The following ELK3 variants were observed in gnomAD, a reference collection of about 807,000 sequenced individuals.
ELK3 encodes ETS transcription factor ELK3.
A neutral mutation model predicts 28.9 loss-of-function variants in ELK3; 10 were observed. The observed-to-expected ratio is 0.35, with a 90% CI of 0.21 to 0.59. The LOEUF is 0.59. ELK3 is among the 20% of genes least tolerant of loss of function. The probability of loss-of-function intolerance (pLI) is 0.82; values close to 1 mark genes in which losing one functional copy is unlikely to be tolerated. For missense variants in ELK3, 463 were observed against 517.3 expected (o/e 0.90, Z 1.02); for synonymous variants, 272 against 243.5 (o/e 1.12, Z -1.09).
intron 3 of ELK3, 29 bp from the exon 4 acceptor site, chr12:96,259,702 T>G: frequency 6.3e-7 from 1 of 1,599,218 alleles, no homozygotes; most frequent in East Asian, 2.2e-5. Context: ...TGAACCTATA[T>G]GAAGAAGTCT....
intron 2 of ELK3, among the ~76,000 whole-genome samples, chr12:96,233,824 G>A (rs77485788): frequency 0.035 from 5,372 of 152,318 alleles, 159 homozygotes; most frequent in Middle Eastern, 0.099. Flanking sequence ...GACTCCCTTT[G>A]GGGTGTTTTA....
rs1304886152 is a variant in ELK3 at position 96,267,910 on chromosome 12, T to TATC, written c.*731_*733dup. 3 of 152,504 alleles carry TATC rather than the reference T, an allele frequency of 2.0e-5. No homozygotes were observed. The highest frequency in any genetic ancestry group is 7.2e-5 in the African/African-American group (3 of 41,460). 9.4% of individuals were successfully genotyped at this position (152,504 alleles called of 1,614,324 possible). A position where few individuals can be genotyped will look rare whatever the true frequency, so the allele number is the denominator to read the frequency against. ...GCCTCCTTAGCTGTTTACAGTATCT[T>TATC]ATCTTTTAGATGCCTCCCAGACAAA... On this transcript the variant is annotated 3_prime_UTR_variant, in exon 5 of 5. Transcript: ENST00000228741.
chr12:96,263,174 A>T (rs1245172533), intron 4 of ELK3, among the ~76,000 whole-genome samples: 1 of 152,144 alleles, frequency 6.6e-6, no homozygotes, highest in Non-Finnish European at 1.5e-5. Context: ...CCCTAATATG[A>T]TTACTATAGC....
chr12:96,202,031 A>G (rs1261697209), intron 1 of ELK3, among the ~76,000 whole-genome samples: 1 of 152,098 alleles, frequency 6.6e-6, no homozygotes, highest in African/African-American at 2.4e-5. Flanking sequence ...TCACCTGGTG[A>G]AATTCCTCCT....
At chr12:96,230,740 G>A (rs775982007) in intron 2 of ELK3, among the ~76,000 whole-genome samples, 1 of 152,208 alleles carries the variant, frequency 6.6e-6, no homozygotes, top group Non-Finnish European at 1.5e-5. Flanking sequence ...CGGATTGGCA[G>A]TGCTGGGATC....
chr12:96,227,328 C>T (rs1161765151), intron 2 of ELK3, among the ~76,000 whole-genome samples: 1 of 152,122 alleles, frequency 6.6e-6, no homozygotes, highest in Non-Finnish European at 1.5e-5. Flanking sequence ...TCGGCAGCTG[C>T]GTCCTTTTTC....
intron 3 of ELK3, among the ~76,000 whole-genome samples, chr12:96,252,531 C>T (rs1164245179): frequency 6.6e-6 from 1 of 151,876 alleles, no homozygotes; most frequent in Non-Finnish European, 1.5e-5. Flanking sequence ...GTCAAAATAT[C>T]AACATTAACA....
intron 3 of ELK3, among the ~76,000 whole-genome samples, chr12:96,256,879 C>T (rs1219161278): frequency 2.6e-5 from 4 of 152,078 alleles, no homozygotes; most frequent in Non-Finnish European, 5.9e-5. Context: ...TGCCAGCTCA[C>T]CCTGGCGAGC....
intron 2 of ELK3, among the ~76,000 whole-genome samples, chr12:96,238,585 G>A (rs778869253): frequency 2.6e-4 from 40 of 152,292 alleles, no homozygotes; most frequent in South Asian, 8.3e-4. Flanking sequence ...TGTCACCCTC[G>A]TCCCTTGGAT....
At chr12:96,223,309 C>T (rs533634125) in intron 1 of ELK3, among the ~76,000 whole-genome samples, 35 of 152,242 alleles carry the variant, frequency 2.3e-4, no homozygotes, top group African/African-American at 8.2e-4. Context: ...CGCTGTCACT[C>T]GTGGGGACAT....
intron 1 of ELK3, among the ~76,000 whole-genome samples, chr12:96,197,156 G>T (rs1277283181): frequency 6.6e-6 from 1 of 152,114 alleles, no homozygotes; most frequent in Non-Finnish European, 1.5e-5. Context: ...ATAAAAAAGG[G>T]AGTATTTAGA....
chr12:96,233,240 G>C (rs921174312), intron 2 of ELK3, among the ~76,000 whole-genome samples: 1 of 152,134 alleles, frequency 6.6e-6, no homozygotes, highest in Non-Finnish European at 1.5e-5. Context: ...CTGAAGACAC[G>C]GGTTCTCTCT....
Position 96,247,133 on chromosome 12 carries a change from G to T in ELK3, c.401G>T (p.Arg134Leu). ...HGLAALRSTS[R>L]NEYIHSGLYS... ...CTGGCCGCCCTCAGAAGCACGAGCC[G>T]CAACGAATACATCCACTCAGGCCTG... Residue 134 changes from arginine to leucine, a missense_variant, in exon 3 of 5, where the codon CGC (arginine) becomes CTC (leucine). Arg to Leu is a moderately radical substitution (Grantham distance 102). Around this residue, in one of 2 missense-constraint regions of ELK3, gnomAD observed 408 missense variants for 414.8 expected, o/e 0.98. Coordinates refer to ENST00000228741, the MANE Select transcript of ELK3 (RefSeq NM_005230.4). This position sits in a 1 kb window ranked among gnomAD's most constrained non-coding sequence, Gnocchi z 5.5. The T allele has an allele frequency of 1.2e-6, 2 of 1,613,772 alleles. No individual in the cohort carries two copies.
intron 2 of ELK3, among the ~76,000 whole-genome samples, chr12:96,240,263 AATTTTG>A (rs71915419): frequency 0.035 from 5,285 of 152,238 alleles, 299 homozygotes; most frequent in African/African-American, 0.12. Context: ...TGTGAGGGTT[AATTTTG>A]TCTATTAAAT....
At chr12:96,260,016 C>CATTTTCATTGAGGCAGAA (rs574612609) in intron 4 of ELK3, among the ~76,000 whole-genome samples, 163 bp downstream of exon 4, 254 of 152,300 alleles carry the variant, frequency 1.7e-3, no homozygotes, top group Admixed American at 2.7e-3. Context: ...CAGAGGCAGA[C>CATTTTCATTGAGGCAGAA]ATTTTCATTG....
intron 2 of ELK3, among the ~76,000 whole-genome samples, chr12:96,226,235 G>C (rs1951698569): frequency 6.6e-6 from 1 of 152,210 alleles, no homozygotes; most frequent in Non-Finnish European, 1.5e-5. Flanking sequence ...GGTGGCTGGT[G>C]TGGCCTGCCT....
chr12:96,234,832 G>T (rs564917202), intron 2 of ELK3, among the ~76,000 whole-genome samples: 9 of 152,260 alleles, frequency 5.9e-5, no homozygotes, highest in Non-Finnish European at 8.8e-5. Context: ...GACCCCCAAG[G>T]CCCATGCCTG....
rs201510944 is a variant in ELK3, at chr12:96,247,200, C to T, written c.468C>T (p.Asp156=). ...TTAATTCCCTGCAGAACCCACCAGA[C>T]GCCTTCAAGGCCATCAAGACGGAGA... ...FTINSLQNPP[D]AFKAIKTEKL... The change falls in exon 3 of 5, where the codon GAC becomes GAT. Residue 156 remains aspartate, a synonymous_variant. Transcript: ENST00000228741. The surrounding 1 kb of genome is among the most constrained non-coding windows in gnomAD (Gnocchi z 5.5). The T allele has an allele frequency of 1.1e-5, 18 of 1,614,078 alleles. No homozygotes were observed. Among genetic ancestry groups the T allele is most frequent in the South Asian group, 4.4e-5 (4 of 91,088 alleles).
chr12:96,217,902 C>CA (rs1951630616), intron 1 of ELK3, among the ~76,000 whole-genome samples: 2 of 143,964 alleles, frequency 1.4e-5, no homozygotes, highest in African/African-American at 5.2e-5. Context: ...CGCACCACTG[C>CA]ACTCCAGCCT....
Sources: allele counts gnomAD v4.1 joint callset (sites outside exome capture counted in the v4.1 genomes callset), GRCh38; gene constraint gnomAD v4.1.1; regional missense constraint gnomAD v4.1.1; non-coding constraint Gnocchi (gnomAD v3.1); transcripts MANE v1.5; gene names NCBI Gene and HGNC (gene_info 2026-07-23, HGNC 2026-07-21).